DUOX2: variants seen among roughly 807,000 people sequenced by gnomAD.
The protein encoded by DUOX2 is NADH/NADPH thyroid oxidase p138-tox.
A neutral mutation model predicts 183.3 loss-of-function variants in DUOX2; 185 were observed. The observed-to-expected ratio is 1.01, with a 90% CI of 0.90 to 1.14. DUOX2 has a LOEUF of 1.14. Among genes scored for constraint, DUOX2 ranks in the 50% most tolerant of loss-of-function variants. The pLI is 0.00. For missense variants in DUOX2, 1,999 were observed against 2,022.9 expected (o/e 0.99, Z 0.23); for synonymous variants, 788 against 812.4 (o/e 0.97, Z 0.51).
At chr15:45,101,523 T>A (rs900088581) in intron 21 of DUOX2, 27 of 626,112 alleles carry the variant, frequency 4.3e-5, no homozygotes, top group Admixed American at 3.2e-4. Flanking sequence ...AAACAATGCC[T>A]CTTCCTCTGG....
In DUOX2 at chr15:45,094,267, G is replaced by A; in HGVS notation, c.4530C>T (p.Arg1510=). ...NSLQEVHPQV[R]KIGVFSCGPP... is the part of the protein sequence containing the mutation. ...GGCCGCAGCTGAACACCCCGATCTTGCGCACCTGTCAGGAGATTGGAGAGA... is the reference window on the plus strand; with the variant it reads ...GGCCGCAGCTGAACACCCCGATCTTACGCACCTGTCAGGAGATTGGAGAGA... The change falls in exon 34 of 34, where the codon CGC becomes CGT. Residue 1510 remains arginine (R), a synonymous_variant. Transcript: ENST00000389039. 1 of 1,614,152 alleles carries A rather than the reference G, an allele frequency of 6.2e-7. No individual in the cohort carries two copies. Among genetic ancestry groups the A allele is most frequent in the Non-Finnish European group, 8.5e-7 (1 of 1,180,028 alleles).
At position 45,106,649 on chromosome 15, in the gene DUOX2, G is replaced by T. The variant is rs765862001; in HGVS notation, c.1832-8C>A. On this transcript the variant is annotated splice_polypyrimidine_tract_variant and splice_region_variant and intron_variant, in intron 15 of 33. Coordinates refer to ENST00000389039, the MANE Select transcript of DUOX2 (RefSeq NM_001363711.2). ...CAGAGAGAAGCAGACTCACTGAAGT[G>T]GATCAGAAGGAACAGTGAGGAGGGA... The T allele has an allele frequency of 6.2e-7, 1 of 1,613,908 alleles. No homozygotes were observed. Among genetic ancestry groups the T allele is most frequent in the South Asian group, 1.1e-5 (1 of 91,074 alleles).
At position 45,098,066 on chromosome 15, in the gene DUOX2, G is replaced by C. The variant is rs375424670; in HGVS notation, c.3516-8C>G. On this transcript the variant is annotated splice_region_variant and splice_polypyrimidine_tract_variant and intron_variant, in intron 26 of 33. Coordinates refer to ENST00000389039, the MANE Select transcript of DUOX2 (RefSeq NM_001363711.2). ...TTCTGGGGAAGCTTGGACCTGGGGG[G>C]CAAAGGCACCTTGAGCCTCTGACTG... 1.2e-6 allele frequency: 2 copies of C among 1,613,870 alleles called. No individual in the cohort carries two copies. Among genetic ancestry groups the C allele is most frequent in the African/African-American group, 2.7e-5 (2 of 74,910 alleles).
chr15:45,102,291 C>T (rs1232353222), intron 20 of DUOX2, among the ~76,000 whole-genome samples: 1 of 152,162 alleles, frequency 6.6e-6, no homozygotes, highest in African/African-American at 2.4e-5. Context: ...GTGCATGGCC[C>T]TCTCTCGTGG....
chr15:45,104,339 T>C lies in DUOX2; in HGVS notation c.2361A>G (p.Ala787=). 1.9e-6 allele frequency: 3 copies of C among 1,613,824 alleles called. No individual in the cohort carries two copies. The highest frequency in any genetic ancestry group is 1.7e-6 in the Non-Finnish European group (2 of 1,179,938). The change falls in exon 19 of 34, where the codon GCA becomes GCG. Residue 787 remains alanine, a synonymous_variant. Transcript: ENST00000389039. ...GGGAGGAGTCCAGGGGCAGGGTCCCTGCGTCGGCCTGGTTGATGTCCAGCA... is the reference window on the plus strand; with the variant it reads ...GGGAGGAGTCCAGGGGCAGGGTCCCCGCGTCGGCCTGGTTGATGTCCAGCA... ...AQVLDINQAD[A]GTLPLDSSQK...
intron 4 of DUOX2, 71 bp downstream of exon 4, chr15:45,112,483 G>C (rs983320585): frequency 1.9e-6 from 3 of 1,578,670 alleles, no homozygotes; most frequent in African/African-American, 2.7e-5. Context: ...ACTCGCAGAC[G>C]GGATCTGGCC....
At chr15:45,101,050 G>T (rs533064577) in intron 22 of DUOX2, 155 bp downstream of exon 22, 19 of 757,878 alleles carry the variant, frequency 2.5e-5, no homozygotes, top group South Asian at 1.6e-4. Flanking sequence ...GCAGCATAGG[G>T]TGAGAGAGGC....
rs1330842084 is a variant in DUOX2 at position 45,111,594 on chromosome 15, C to T, written c.514-9G>A. 1.3e-6 allele frequency: 2 copies of T among 1,530,168 alleles called. No individual in the cohort carries two copies. Among genetic ancestry groups the T allele is most frequent in the South Asian group, 2.4e-5 (2 of 82,920 alleles). 94.8% of individuals were successfully genotyped at this position (1,530,168 alleles called of 1,614,324 possible). ...CCCGTCACCTGGTTGGCCTGCGGGG[C>T]ACGCGGCGGGTGAGCCCGGGTCGAG... On this transcript the variant is annotated splice_polypyrimidine_tract_variant and intron_variant, in intron 5 of 33. Transcript: ENST00000389039.
At chr15:45,113,099 C>T (rs1356954064) in intron 2 of DUOX2, 23 bp from the exon 3 acceptor site, 3 of 1,608,896 alleles carry the variant, frequency 1.9e-6, no homozygotes, top group Admixed American at 1.7e-5. Context: ...AGAAGGGCCT[C>T]CTCAGCACTA....
At position 45,093,991 on chromosome 15, in the gene DUOX2, T is replaced by C. The variant is rs973301220; in HGVS notation, c.*159A>G. On this transcript the variant is annotated 3_prime_UTR_variant, in exon 34 of 34. Coordinates refer to ENST00000389039, the MANE Select transcript of DUOX2 (RefSeq NM_001363711.2). ...TCCTGCCTTTTCTCATTTGTATAATTGTCTGGGTCAATATTCTCCCAATAT... is the reference window on the plus strand; with the variant it reads ...TCCTGCCTTTTCTCATTTGTATAATCGTCTGGGTCAATATTCTCCCAATAT... 3 of 908,894 alleles carry C rather than the reference T, an allele frequency of 3.3e-6. No individual in the cohort carries two copies. Among genetic ancestry groups the C allele is most frequent in the Non-Finnish European group, 5.2e-6 (3 of 573,000 alleles). The allele number at this position is 908,894 out of a possible 1,614,324, so 56.3% of individuals were successfully genotyped here. A position where few individuals can be genotyped will look rare whatever the true frequency, so the allele number is the denominator to read the frequency against.
chr15:45,109,674 T>C, intron 10 of DUOX2, 48 bp from the exon 11 acceptor site: 1 of 1,592,822 alleles, frequency 6.3e-7, no homozygotes, highest in Non-Finnish European at 8.6e-7. Flanking sequence ...CAAAACTCGG[T>C]CTCTCTCAGC....
rs770799311 is a variant in DUOX2 at position 45,101,831 on chromosome 15, G to A, written c.2813C>T (p.Thr938Met). 1.1e-5 allele frequency: 17 copies of A among 1,614,192 alleles called. No homozygotes were observed. Among genetic ancestry groups the A allele is most frequent in the Non-Finnish European group, 1.2e-5 (14 of 1,180,038 alleles). The change falls in exon 21 of 34, where the codon ACG becomes ATG. Residue 938 changes from threonine to methionine, a missense_variant. By Grantham distance (81) the Thr-to-Met change is moderately conservative. Transcript: ENST00000389039. ...LRDHDSELRF[T>M]QLCVKGGGGG... ...ACCTCCACCTTTGACACAGAGCTGC[G>A]TGAAGCGGAGCTCGCTGTCATGGTC...
At chr15:45,110,092 G>T (rs1408041849) in intron 9 of DUOX2, 112 bp from the exon 10 acceptor site, 4 of 926,772 alleles carry the variant, frequency 4.3e-6, no homozygotes, top group Non-Finnish European at 5.3e-6. Context: ...AGTGGCCCAG[G>T]AACTTCCTTG....
chr15:45,095,456 C>T lies in DUOX2; in HGVS notation c.4220G>A (p.Ser1407Asn). The T allele has an allele frequency of 1.2e-6, 2 of 1,614,208 alleles. No individual in the cohort carries two copies. Among genetic ancestry groups the T allele is most frequent in the East Asian group, 2.2e-5 (1 of 44,880 alleles). Residue 1407 changes from serine (S) to asparagine (N), a missense_variant, in exon 31 of 34, where the codon AGC becomes AAC. By Grantham distance (46) the Ser-to-Asn change is conservative (BLOSUM62 1). Coordinates refer to ENST00000389039, the MANE Select transcript of DUOX2 (RefSeq NM_001363711.2). ...GCTCACCTTCTTACACAGCATTTGG[C>T]TGCCCAAGGATGACTTGAAGACCAG... is the stretch of plus-strand genomic sequence containing the variant. The part of the protein sequence containing the change: ...KDLVFKSSLG[S>N]QMLCKKIYFI...
chr15:45,106,077 G>T (rs1195005881), intron 17 of DUOX2, 48 bp downstream of exon 17: 3 of 1,602,878 alleles, frequency 1.9e-6, no homozygotes, highest in African/African-American at 1.3e-5. Flanking sequence ...TTGTGATAAT[G>T]GAGTCGTGTG....
At chr15:45,094,360 A>T (rs1893844230) in intron 33 of DUOX2, 88 bp from the exon 34 acceptor site, 5 of 1,598,418 alleles carry the variant, frequency 3.1e-6, no homozygotes, top group African/African-American at 2.7e-5. Flanking sequence ...CCTGGCTGGA[A>T]TGACTAAGGC....
Position 45,106,921 on chromosome 15 carries a change from T to C in DUOX2, c.1742A>G (p.Gln581Arg), listed in dbSNP as rs899660254. The C allele has an allele frequency of 1.7e-5, 27 of 1,581,716 alleles. No individual in the cohort carries two copies. The highest frequency in any genetic ancestry group is 2.3e-5 in the Non-Finnish European group (27 of 1,164,416). Residue 581 changes from glutamine (Q) to arginine (R), a missense_variant, in exon 15 of 34, where the codon CAG (glutamine) becomes CGG (arginine). Coordinates refer to ENST00000389039, the MANE Select transcript of DUOX2 (RefSeq NM_001363711.2). ...PKQLTTDGLP[Q>R]CAPLTVLDFF... is the part of the protein sequence containing the mutation. ...GTCAAGCACAGTCAGGGGTGCACAC[T>C]GGGGCAGGCCGTCAGTTGTGAGCTG...
intron 18 of DUOX2, among the ~76,000 whole-genome samples, chr15:45,104,738 C>G (rs1894171367): frequency 6.6e-6 from 1 of 152,160 alleles, no homozygotes; most frequent in Non-Finnish European, 1.5e-5. Flanking sequence ...TGCTCTCTTG[C>G]CAATTCAGAT....
chr15:45,105,254 C>T (rs776002448), intron 18 of DUOX2, among the ~76,000 whole-genome samples: 4 of 152,166 alleles, frequency 2.6e-5, no homozygotes, highest in Non-Finnish European at 5.9e-5. Context: ...ATTGCCAGGC[C>T]CCACCCACAG....
Sources: allele counts gnomAD v4.1 joint callset (sites outside exome capture counted in the v4.1 genomes callset), GRCh38; gene constraint gnomAD v4.1.1; transcripts MANE v1.5; gene names NCBI Gene and HGNC (gene_info 2026-07-23, HGNC 2026-07-21).